The following NUMBL variants were observed in gnomAD, a reference collection of about 807,000 sequenced individuals.
NUMBL encodes the protein NUMB like endocytic adaptor protein, also known as numb-like protein.
A neutral mutation model predicts 48.9 loss-of-function variants in NUMBL; 20 were observed. That is an observed-to-expected ratio of 0.41 (90% CI 0.29 to 0.59). The LOEUF (loss-of-function observed/expected upper bound fraction) is 0.59, where lower values mean the gene tolerates loss of function less well. Among genes scored for constraint, NUMBL ranks in the 20% least tolerant of loss-of-function variants. The probability of loss-of-function intolerance (pLI) is 0.31; values close to 1 mark genes in which losing one functional copy is unlikely to be tolerated. For synonymous variants in NUMBL, 340 were observed against 348.7 expected (o/e 0.98, Z 0.28); for missense variants, 660 against 846.2 (o/e 0.78, Z 2.73).
At chr19:40,680,811 G>T in intron 6 of NUMBL, 106 bp downstream of exon 6, 1 of 1,254,322 alleles carries the variant, frequency 8.0e-7, no homozygotes, top group East Asian at 2.3e-5. Context: ...GAGGAAACTG[G>T]GCACACAGAG....
chr19:40,667,326 G>T lies in NUMBL; in HGVS notation c.*142C>A. On this transcript the variant is annotated 3_prime_UTR_variant, in exon 10 of 10. Coordinates refer to ENST00000252891, the MANE Select transcript of NUMBL (RefSeq NM_004756.5). The surrounding 1 kb of genome is among the most constrained non-coding windows in gnomAD (Gnocchi z 6.1). ...GCGTCACAATGTTGGTTCTGTAGTGGTTGTCGGGGTGGTTGAGGGAGGGGG... is the reference window on the plus strand; with the variant it reads ...GCGTCACAATGTTGGTTCTGTAGTGTTTGTCGGGGTGGTTGAGGGAGGGGG... 1 of 1,213,774 alleles carries T rather than the reference G, an allele frequency of 8.2e-7. No individual in the cohort carries two copies. The highest frequency in any genetic ancestry group is 1.1e-6 in the Non-Finnish European group (1 of 889,524). 75.2% of individuals were successfully genotyped at this position (1,213,774 alleles called of 1,614,324 possible). A position where few individuals can be genotyped will look rare whatever the true frequency, so the allele number is the denominator to read the frequency against.
Position 40,668,061 on chromosome 19 carries a change from C to A in NUMBL, c.1237G>T (p.Ala413Ser). 1 of 1,594,598 alleles carries A rather than the reference C, an allele frequency of 6.3e-7. No individual in the cohort carries two copies. The highest frequency in any genetic ancestry group is 8.5e-7 in the Non-Finnish European group (1 of 1,171,308). The change falls in exon 10 of 10, where the codon GCT (alanine) becomes TCT (serine). Residue 413 changes from alanine to serine, a missense_variant. This residue lies in a region of NUMBL where 296 missense variants were observed against 339.7 expected (regional missense o/e 0.87). Coordinates refer to ENST00000252891, the MANE Select transcript of NUMBL (RefSeq NM_004756.5). ...GACACCTCCTCCAGCCATCGCTCAG[C>A]CTCTGAAGGTGTCCGCTTGTGCCCA... ...QPGHKRTPSE[A>S]ERWLEEVSQV...
In NUMBL at chr19:40,682,713, C is replaced by A; in HGVS notation, c.399+15G>T. The A allele has an allele frequency of 6.2e-7, 1 of 1,613,380 alleles. No homozygotes were observed. The highest frequency in any genetic ancestry group is 8.5e-7 in the Non-Finnish European group (1 of 1,179,552). ...CAGACAGGCCCCCTGGCGTCCACCC[C>A]CACAGGCCTCCTACCTTGGTTTTGT... On this transcript the variant is annotated intron_variant, in intron 5 of 9. Coordinates refer to ENST00000252891, the MANE Select transcript of NUMBL (RefSeq NM_004756.5). The surrounding 1 kb of genome is among the most constrained non-coding windows in gnomAD (Gnocchi z 4.0).
intron 1 of NUMBL, chr19:40,690,191 C>T: frequency 2.9e-6 from 1 of 344,504 alleles, no homozygotes; most frequent in Non-Finnish European, 5.2e-6. Flanking sequence ...CCTAGAATCT[C>T]TGTACCCCTG....
chr19:40,688,053 C>G lies in NUMBL; in HGVS notation c.25-1058G>C, dbSNP rs896642000. ...CCACATACAGAGGTACTGATGGCCA[C>G]AGCATGCAACCACCCACAAACAACT... On this transcript the variant is annotated intron_variant, in intron 1 of 9. Transcript: ENST00000252891. This position sits in a 1 kb window ranked among gnomAD's most constrained non-coding sequence, Gnocchi z 4.6. Among the ~76,000 whole-genome samples the G allele has an allele frequency of 6.6e-6, 1 of 152,190 alleles. No homozygotes were observed. The highest frequency in any genetic ancestry group is 1.5e-5 in the Non-Finnish European group (1 of 68,036).
At chr19:40,681,821 C>T (rs954177286) in intron 5 of NUMBL, among the ~76,000 whole-genome samples, 4 of 151,944 alleles carry the variant, frequency 2.6e-5, no homozygotes, top group African/African-American at 9.7e-5. Context: ...TACAGGCACG[C>T]ACCACCACGT....
intron 9 of NUMBL, among the ~76,000 whole-genome samples, chr19:40,668,674 G>A (rs1409934104): frequency 6.6e-6 from 1 of 152,034 alleles, no homozygotes; most frequent in East Asian, 1.9e-4. Flanking sequence ...TGCCCAGGCT[G>A]GACTCGAACT....
intron 6 of NUMBL, 72 bp downstream of exon 6, chr19:40,680,845 G>A (rs2081901430): frequency 6.5e-7 from 1 of 1,545,580 alleles, no homozygotes; most frequent in Admixed American, 1.7e-5. Context: ...CTGAATGCAG[G>A]AAGCTTGTAG....
At position 40,680,456 on chromosome 19, in the gene NUMBL, C is replaced by CT. The variant is rs68111971; in HGVS notation, c.540+460dup. Among the ~76,000 whole-genome samples, 380 of 147,938 alleles carry CT rather than the reference C, an allele frequency of 2.6e-3. 3 individuals are homozygous for CT. The highest frequency in any genetic ancestry group is 0.01 in the East Asian group (49 of 4,860). On this transcript the variant is annotated intron_variant, in intron 6 of 9. Coordinates refer to ENST00000252891, the MANE Select transcript of NUMBL (RefSeq NM_004756.5). ...TGAGCCACCACGCCTGGCCAATACT[C>CT]TTTTTTTTTTGAGATGGAGTCTCAC...
intron 9 of NUMBL, 35 bp from the exon 10 acceptor site, chr19:40,668,173 C>A: frequency 6.5e-7 from 1 of 1,543,366 alleles, no homozygotes; most frequent in African/African-American, 1.4e-5. Context: ...AGGGAGGGGG[C>A]AACGGCTTCA....
intron 7 of NUMBL, among the ~76,000 whole-genome samples, chr19:40,674,714 AC>A (rs2081865546): frequency 6.6e-6 from 1 of 152,154 alleles, no homozygotes; most frequent in African/African-American, 2.4e-5. Flanking sequence ...TCACTGTGTG[AC>A]CTCAGGAAGT....
chr19:40,677,120 A>G (rs1018749514), intron 7 of NUMBL, 112 bp downstream of exon 7: 1 of 1,184,272 alleles, frequency 8.4e-7, no homozygotes, highest in African/African-American at 1.5e-5. Context: ...GGCCTGAAGC[A>G]TCCCCTACTT....
At chr19:40,680,830 T>A in intron 6 of NUMBL, 87 bp downstream of exon 6, 1 of 1,425,440 alleles carries the variant, frequency 7.0e-7, no homozygotes. Flanking sequence ...AGGTTAGTGA[T>A]GTGCCTGAAT....
At position 40,667,848 on chromosome 19, in the gene NUMBL, G is replaced by A. The variant is rs1486599882; in HGVS notation, c.1450C>T (p.Pro484Ser). 3 of 1,591,508 alleles carry A rather than the reference G, an allele frequency of 1.9e-6. No homozygotes were observed. The highest frequency in any genetic ancestry group is 1.7e-6 in the Non-Finnish European group (2 of 1,169,280). ...PAQVAVFLPPPHMQPPFVPAY... is the reference protein window; with the variant it reads ...PAQVAVFLPPSHMQPPFVPAY... The stretch of plus-strand genomic sequence containing the variant: ...GGCACAAAAGGGGGCTGCATGTGTG[G>A]GGGTGGCAGGAACACGGCCACTTGG... The change falls in exon 10 of 10, where the codon CCA becomes TCA. Residue 484 changes from proline (P) to serine (S), a missense_variant. Physicochemically the swap from Pro to Ser is moderately conservative, Grantham distance 74. Transcript: ENST00000252891. This position sits in a 1 kb window ranked among gnomAD's most constrained non-coding sequence, Gnocchi z 6.1.
Position 40,667,155 on chromosome 19 carries a change from T to G in NUMBL, c.*313A>C. On this transcript the variant is annotated 3_prime_UTR_variant, in exon 10 of 10. Transcript: ENST00000252891. The surrounding 1 kb of genome is among the most constrained non-coding windows in gnomAD (Gnocchi z 6.1). The stretch of plus-strand genomic sequence containing the variant: ...GGTCAACAGAAACTGGGAAATGGAG[T>G]GTGAACCAAGGGCATTCAGTGGGAT... 2 of 355,864 alleles carry G rather than the reference T, an allele frequency of 5.6e-6. No individual in the cohort carries two copies. Among genetic ancestry groups the G allele is most frequent in the Non-Finnish European group, 5.3e-6 (1 of 190,182 alleles). 22.0% of individuals were successfully genotyped at this position (355,864 alleles called of 1,614,324 possible).
intron 1 of NUMBL, chr19:40,690,063 C>A (rs1371648294): frequency 6.0e-6 from 1 of 166,536 alleles, no homozygotes; most frequent in East Asian, 1.6e-4. Context: ...GTGCTGAGAC[C>A]CCCTTAGGCA....
chr19:40,690,493 G>C lies in NUMBL; in HGVS notation c.-10C>G. On this transcript the variant is annotated 5_prime_UTR_variant, in exon 1 of 10. Coordinates refer to ENST00000252891, the MANE Select transcript of NUMBL (RefSeq NM_004756.5). ...CCGCGCTGCGGGACATCCAGGGCCC[G>C]GGCGCCCCCGCCTCCCGCGGCCCTG... is the stretch of plus-strand genomic sequence containing the variant. 1 of 1,282,040 alleles carries C rather than the reference G, an allele frequency of 7.8e-7. No homozygotes were observed. Among genetic ancestry groups the C allele is most frequent in the South Asian group, 2.6e-5 (1 of 38,196 alleles). 79.4% of individuals were successfully genotyped at this position (1,282,040 alleles called of 1,614,324 possible). A position where few individuals can be genotyped will look rare whatever the true frequency, so the allele number is the denominator to read the frequency against.
Position 40,687,108 on chromosome 19 carries a change from G to C in NUMBL, c.25-113C>G. 1 of 625,046 alleles carries C rather than the reference G, an allele frequency of 1.6e-6. No homozygotes were observed. Among genetic ancestry groups the C allele is most frequent in the Non-Finnish European group, 2.7e-6 (1 of 367,598 alleles). The allele number at this position is 625,046 out of a possible 1,614,324, so 38.7% of individuals were successfully genotyped here. On this transcript the variant is annotated intron_variant, in intron 1 of 9. Transcript: ENST00000252891. The surrounding 1 kb of genome is among the most constrained non-coding windows in gnomAD (Gnocchi z 4.6). ...CCCCCTCCATCTTGGGCTCCCTGAT[G>C]AGAGTCCTAGTTGTCCTAGCAACTG...
chr19:40,674,213 CA>C (rs1281973626), intron 7 of NUMBL, among the ~76,000 whole-genome samples: 2 of 152,134 alleles, frequency 1.3e-5, no homozygotes, highest in Non-Finnish European at 2.9e-5. Flanking sequence ...CCTGTCTCTC[CA>C]TATCATGTTG....
Sources: gnomAD v4.1 joint callset for allele counts (sites outside exome capture counted in the v4.1 genomes callset) on GRCh38, gnomAD v4.1.1 for gene constraint, gnomAD v4.1.1 regional missense constraint, Gnocchi (gnomAD v3.1) non-coding constraint, MANE v1.5 for transcripts, NCBI Gene and HGNC (gene_info 2026-07-23, HGNC 2026-07-21) for gene names.